KHDRBS1: variants seen among roughly 807,000 people sequenced by gnomAD.
The protein encoded by KHDRBS1 is KH RNA binding domain containing, signal transduction associated 1.
KHDRBS1 carries 7 observed loss-of-function variants against 48.4 expected under a neutral mutation model. That is an observed-to-expected ratio of 0.14 (90% CI 0.08 to 0.27). KHDRBS1 has a LOEUF of 0.27. Ranked by LOEUF, KHDRBS1 falls within the 10% of genes least tolerant of loss-of-function variation. KHDRBS1 has a pLI of 1.00. For missense variants in KHDRBS1, 458 were observed against 601.2 expected (o/e 0.76, Z 2.49); for synonymous variants, 241 against 235.8 (o/e 1.02, Z -0.20).
chr1:32,031,108 G>T (rs1028671171), intron 2 of KHDRBS1, among the ~76,000 whole-genome samples: 1 of 152,088 alleles, frequency 6.6e-6, no homozygotes, highest in Admixed American at 6.5e-5. Flanking sequence ...AATTAGCCTG[G>T]TGTTGTGGTG....
At chr1:32,022,520 C>T (rs2124362844) in intron 1 of KHDRBS1, among the ~76,000 whole-genome samples, 1 of 152,264 alleles carries the variant, frequency 6.6e-6, no homozygotes, top group African/African-American at 2.4e-5. Flanking sequence ...TTCTGAGAAT[C>T]TTGCTCTCCT....
chr1:32,040,084 C>T (rs1639254178), intron 8 of KHDRBS1, among the ~76,000 whole-genome samples: 1 of 152,042 alleles, frequency 6.6e-6, no homozygotes, highest in African/African-American at 2.4e-5. Context: ...ACCTAGATGG[C>T]AAGCAGCTAG....
At chr1:32,032,740 G>A (rs553394985) in intron 3 of KHDRBS1, among the ~76,000 whole-genome samples, 79 of 151,112 alleles carry the variant, frequency 5.2e-4, no homozygotes, top group Non-Finnish European at 8.7e-4. Context: ...TTGCTCTATT[G>A]CCCAGGCTGG....
At chr1:32,060,507 C>T (rs1639530986) in exon 11 of KHDRBS1, 1 of 152,010 alleles carries the variant, frequency 6.6e-6, no homozygotes, top group African/African-American at 2.4e-5. Context: ...TCCCTTTAGC[C>T]TCCCATAGAA....
chr1:32,048,078 G>A (rs2124396471), downstream of KHDRBS1, among the ~76,000 whole-genome samples: 1 of 152,260 alleles, frequency 6.6e-6, no homozygotes, highest in African/African-American at 2.4e-5. Flanking sequence ...ATTAGAGATG[G>A]CTCTAAGTAT....
intron 10 of KHDRBS1, among the ~76,000 whole-genome samples, chr1:32,058,665 T>C (rs551921580): frequency 6.6e-6 from 1 of 152,226 alleles, no homozygotes; most frequent in East Asian, 1.9e-4. Context: ...TAGCCGAGCA[T>C]GGTAGCACAT....
Position 32,038,537 on chromosome 1 carries a change from T to C in KHDRBS1, c.1108-15T>C. 1 of 1,612,634 alleles carries C rather than the reference T, an allele frequency of 6.2e-7. No homozygotes were observed. The highest frequency in any genetic ancestry group is 8.5e-7 in the Non-Finnish European group (1 of 1,179,498). On this transcript the variant is annotated splice_polypyrimidine_tract_variant and intron_variant, in intron 6 of 8. Transcript: ENST00000327300. ...TTTGATCTTTTATTTCATTTTTTTGTTGTTGTTGTTCTAGGGATATGATGA... is the reference window on the plus strand; with the variant it reads ...TTTGATCTTTTATTTCATTTTTTTGCTGTTGTTGTTCTAGGGATATGATGA...
At chr1:32,028,215 AG>A (rs1639012243) in intron 1 of KHDRBS1, among the ~76,000 whole-genome samples, 1 of 152,136 alleles carries the variant, frequency 6.6e-6, no homozygotes, top group African/African-American at 2.4e-5. Flanking sequence ...TGGTTTTCAA[AG>A]TATGGTCCCT....
At position 32,013,872 on chromosome 1, in the gene KHDRBS1, C is replaced by A. The variant is rs1342684459; in HGVS notation, c.-124C>A. 7.5e-6 allele frequency: 7 copies of A among 936,860 alleles called. No homozygotes were observed. Among genetic ancestry groups the A allele is most frequent in the Non-Finnish European group, 8.6e-6 (6 of 699,652 alleles). 58.0% of individuals were successfully genotyped at this position (936,860 alleles called of 1,614,324 possible). On this transcript the variant is annotated 5_prime_UTR_variant, in exon 1 of 9. Coordinates refer to ENST00000327300, the MANE Select transcript of KHDRBS1 (RefSeq NM_006559.3). ...CCGCCTCATTTCCGGTGCTCTCTCT[C>A]GCTGGGTCGCTCGGGTCGGCTTCGG...
intron 6 of KHDRBS1, among the ~76,000 whole-genome samples, chr1:32,038,322 T>A (rs1371833887): frequency 6.6e-6 from 1 of 152,236 alleles, no homozygotes; most frequent in Non-Finnish European, 1.5e-5. Context: ...CTCGATTTTG[T>A]ACTTTACTTC....
chr1:32,045,847 A>C (rs1355710836), downstream of KHDRBS1, among the ~76,000 whole-genome samples: 1 of 152,172 alleles, frequency 6.6e-6, no homozygotes, highest in Admixed American at 6.5e-5. Context: ...CTTGGGCACA[A>C]CTCAAACTAT....
intron 10 of KHDRBS1, among the ~76,000 whole-genome samples, chr1:32,057,770 G>A (rs1490752799): frequency 6.7e-6 from 1 of 150,356 alleles, no homozygotes; most frequent in Non-Finnish European, 1.5e-5. Context: ...CTGCACTCCA[G>A]CCTGGGCGAC....
intron 10 of KHDRBS1, among the ~76,000 whole-genome samples, chr1:32,059,343 T>A (rs1190753808): frequency 6.6e-6 from 1 of 151,506 alleles, no homozygotes; most frequent in Non-Finnish European, 1.5e-5. Context: ...ATTAAGAGGA[T>A]CCCAGGAGTT....
intron 1 of KHDRBS1, among the ~76,000 whole-genome samples, chr1:32,021,534 A>G (rs1371822541): frequency 6.6e-6 from 1 of 152,196 alleles, no homozygotes; most frequent in Non-Finnish European, 1.5e-5. Context: ...TGATACCAAC[A>G]GAAAAGTTGA....
chr1:32,020,934 G>A (rs1374618024), intron 1 of KHDRBS1, among the ~76,000 whole-genome samples: 1 of 151,812 alleles, frequency 6.6e-6, no homozygotes, highest in Non-Finnish European at 1.5e-5. Context: ...ACATGTAAAG[G>A]TGGTGAAATC....
At chr1:32,046,022 G>A (rs1343450399), downstream of KHDRBS1, among the ~76,000 whole-genome samples, 1 of 152,148 alleles carries the variant, frequency 6.6e-6, no homozygotes, top group African/African-American at 2.4e-5. Flanking sequence ...CAATTGTCCA[G>A]TAATATCCAT....
intron 10 of KHDRBS1, among the ~76,000 whole-genome samples, chr1:32,059,215 T>G (rs1233884764): frequency 6.8e-6 from 1 of 146,724 alleles, no homozygotes; most frequent in Non-Finnish European, 1.5e-5. Context: ...AATGAACATA[T>G]TAAGGCTCCA....
At position 32,035,190 on chromosome 1, in the gene KHDRBS1, G is replaced by A. The variant is rs1200878924; in HGVS notation, c.772-1720G>A. Among the ~76,000 whole-genome samples the A allele has an allele frequency of 3.9e-5, 6 of 152,198 alleles. No individual in the cohort carries two copies. In the East Asian group the frequency reaches 1.2e-3, roughly 29 times the overall value. ...TAGTCTCCCTCATATTCCTCAGAAG[G>A]GTTAGGTTTATGAGGCTTGCTTGTA... On this transcript the variant is annotated intron_variant, in intron 4 of 8. Coordinates refer to ENST00000327300, the MANE Select transcript of KHDRBS1 (RefSeq NM_006559.3).
At chr1:32,040,388 C>G (rs536376265) in intron 8 of KHDRBS1, among the ~76,000 whole-genome samples, 1 of 151,960 alleles carries the variant, frequency 6.6e-6, no homozygotes, top group Admixed American at 6.5e-5. Context: ...TGCACTCCAG[C>G]CTGGGCAACA....
Sources: allele counts gnomAD v4.1 joint callset (sites outside exome capture counted in the v4.1 genomes callset), GRCh38; gene constraint gnomAD v4.1.1; transcripts MANE v1.5; gene names NCBI Gene and HGNC (gene_info 2026-07-23, HGNC 2026-07-21).